SMIM14: variants seen among roughly 807,000 people sequenced by gnomAD.
The protein encoded by SMIM14 is small integral membrane protein 14.
In SMIM14, 5 loss-of-function variants were observed where a neutral mutation model predicts 12.6. The observed-to-expected ratio is 0.40, with a 90% confidence interval of 0.21 to 0.83. The LOEUF is 0.83. SMIM14 is among the 40% of genes least tolerant of loss of function. SMIM14 has a pLI of 0.37. For synonymous variants in SMIM14, 30 were observed against 40.1 expected, an observed-to-expected ratio of 0.75 and a Z score of 0.95; for missense variants, 86 against 119.1, an observed-to-expected ratio of 0.72 and a Z score of 1.29.
rs139817616 is a variant in SMIM14 at position 39,612,561 on chromosome 4, C to T, written c.-35-7381G>A. On this transcript the variant is annotated intron_variant, in intron 1 of 4. Coordinates refer to ENST00000295958, the MANE Select transcript of SMIM14 (RefSeq NM_174921.3). ...TGACGTGTATCCCCCCAGGCCAATA[C>T]TGTGTTGGTTAAAATGAAAAGATAT... 1.0e-3 allele frequency among the ~76,000 whole-genome samples: 154 copies of T among 152,180 alleles called. 1 individual carries two copies. The highest frequency in any genetic ancestry group is 3.5e-3 in the African/African-American group (145 of 41,536).
chr4:39,606,795 G>C (rs1386885514), intron 1 of SMIM14, among the ~76,000 whole-genome samples: 1 of 152,134 alleles, frequency 6.6e-6, no homozygotes, highest in East Asian at 1.9e-4. Context: ...ACCCAGACCA[G>C]AGCCCAGTGG....
At chr4:39,617,779 G>A (rs1399554680) in intron 1 of SMIM14, among the ~76,000 whole-genome samples, 1 of 152,178 alleles carries the variant, frequency 6.6e-6, no homozygotes, top group Non-Finnish European at 1.5e-5. Context: ...AACAGCGGAA[G>A]AGAATCTAAA....
chr4:39,585,744 C>A (rs1490291074), intron 2 of SMIM14, among the ~76,000 whole-genome samples: 1 of 152,000 alleles, frequency 6.6e-6, no homozygotes, highest in Non-Finnish European at 1.5e-5. Flanking sequence ...TATTGTCCTG[C>A]AAGGCTCCAG....
chr4:39,556,668 A>C (rs1244027773), intron 3 of SMIM14, 98 bp from the exon 4 acceptor site: 2 of 1,076,536 alleles, frequency 1.9e-6, no homozygotes, highest in Admixed American at 7.0e-5. Context: ...GTATTAATAT[A>C]AAAATTGTAT....
intron 2 of SMIM14, among the ~76,000 whole-genome samples, chr4:39,582,161 G>A (rs1713543024): frequency 1.3e-5 from 2 of 151,958 alleles, no homozygotes; most frequent in South Asian, 2.1e-4. Flanking sequence ...ATGAGCCACC[G>A]CGCCTGGTCT....
chr4:39,637,699 A>C (rs535434264), intron 1 of SMIM14, among the ~76,000 whole-genome samples: 37 of 152,216 alleles, frequency 2.4e-4, no homozygotes, highest in Admixed American at 1.1e-3. Flanking sequence ...ACACTAAAGG[A>C]ATCTGCGCGG....
At chr4:39,624,177 C>A (rs1378218884) in intron 1 of SMIM14, among the ~76,000 whole-genome samples, 2 of 152,134 alleles carry the variant, frequency 1.3e-5, no homozygotes, top group Non-Finnish European at 2.9e-5. Flanking sequence ...ACAAAATACT[C>A]AAAACTGGTT....
chr4:39,572,621 A>C lies in SMIM14; in HGVS notation c.76-158T>G, dbSNP rs189544427. Among the ~76,000 whole-genome samples, 331 of 152,186 alleles carry C rather than the reference A, an allele frequency of 2.2e-3. 1 individual carries two copies. The highest frequency in any genetic ancestry group is 7.7e-3 in the African/African-American group (319 of 41,530). ...TGGATTGTTTGAGCTCAGACATTCA[A>C]GACCAGCCTGGGTAACACAGCAATA... On this transcript the variant is annotated intron_variant, in intron 2 of 4. Coordinates refer to ENST00000295958, the MANE Select transcript of SMIM14 (RefSeq NM_174921.3).
intron 3 of SMIM14, among the ~76,000 whole-genome samples, chr4:39,563,413 G>A (rs1456989358): frequency 6.6e-6 from 1 of 152,192 alleles, no homozygotes; most frequent in African/African-American, 2.4e-5. Context: ...CATCAGAATA[G>A]CCTGTGACAG....
In SMIM14 at chr4:39,560,456, G is replaced by A. The variant is rs182322820; in HGVS notation, c.125-3886C>T. Among the ~76,000 whole-genome samples, 711 of 152,054 alleles carry A rather than the reference G, an allele frequency of 4.7e-3. 10 individuals are homozygous for A. The highest frequency in any genetic ancestry group is 2.9e-3 in the Non-Finnish European group (194 of 67,986). ...CCGAAAATGCTGGGATTACAGGCAT[G>A]AGCCACCGCAATCAGCCAACATCAA... On this transcript the variant is annotated intron_variant, in intron 3 of 4. Transcript: ENST00000295958.
intron 1 of SMIM14, among the ~76,000 whole-genome samples, chr4:39,623,297 T>C (rs1471167017): frequency 6.6e-6 from 1 of 152,296 alleles, no homozygotes; most frequent in Non-Finnish European, 1.5e-5. Flanking sequence ...TTCTACCTTT[T>C]AGTGCTAAAA....
In SMIM14 at chr4:39,548,419, C is replaced by T. The variant is rs558088980; in HGVS notation, c.*3707G>A. On this transcript the variant is annotated 3_prime_UTR_variant, in exon 5 of 5. Coordinates refer to ENST00000295958, the MANE Select transcript of SMIM14 (RefSeq NM_174921.3). ...ATGTTGCCCAGGCTAGTCTCAAACT[C>T]CTGGGCTCAAGCAGTTCTTGCCTCA... 6.6e-6 allele frequency: 1 copy of T among 150,776 alleles called. No individual in the cohort carries two copies. Among genetic ancestry groups the T allele is most frequent in the Admixed American group, 6.6e-5 (1 of 15,122 alleles). 9.3% of individuals were successfully genotyped at this position (150,776 alleles called of 1,614,324 possible).
intron 1 of SMIM14, among the ~76,000 whole-genome samples, chr4:39,613,219 T>G (rs1008897695): frequency 1.3e-5 from 2 of 152,194 alleles, no homozygotes; most frequent in Non-Finnish European, 2.9e-5. Flanking sequence ...AAATATTTAC[T>G]GAATTCTTGA....
chr4:39,604,512 G>A (rs759840754), intron 2 of SMIM14, among the ~76,000 whole-genome samples: 3 of 151,960 alleles, frequency 2.0e-5, no homozygotes, highest in African/African-American at 4.8e-5. Context: ...ACTCCAGCCT[G>A]TGCAACAGAG....
At chr4:39,557,847 C>T (rs958760235) in intron 3 of SMIM14, among the ~76,000 whole-genome samples, 1 of 152,092 alleles carries the variant, frequency 6.6e-6, no homozygotes, top group African/African-American at 2.4e-5. Flanking sequence ...ATCTGGGCTG[C>T]GTAATATATA....
chr4:39,637,626 G>A (rs1401879501), intron 1 of SMIM14, among the ~76,000 whole-genome samples: 1 of 151,986 alleles, frequency 6.6e-6, no homozygotes, highest in Non-Finnish European at 1.5e-5. Flanking sequence ...AGGACAAAAA[G>A]GTTTGGTTTT....
intron 2 of SMIM14, among the ~76,000 whole-genome samples, chr4:39,580,877 C>A (rs1015498028): frequency 4.6e-5 from 7 of 151,948 alleles, no homozygotes; most frequent in African/African-American, 1.7e-4. Context: ...ATAAACACAA[C>A]CTATTATCAA....
At chr4:39,603,997 T>A in intron 2 of SMIM14, among the ~76,000 whole-genome samples, 1 of 139,638 alleles carries the variant, frequency 7.2e-6, no homozygotes, top group African/African-American at 2.7e-5. Flanking sequence ...GGTGGCAGAG[T>A]GAGACACTGT....
intron 2 of SMIM14, among the ~76,000 whole-genome samples, chr4:39,583,678 TTTAG>T (rs1274985017): frequency 2.0e-5 from 3 of 152,112 alleles, no homozygotes; most frequent in East Asian, 1.9e-4. Flanking sequence ...CTGTTACCAT[TTTAG>T]TTAATGTGTT....
Sources: allele counts gnomAD v4.1 joint callset (sites outside exome capture counted in the v4.1 genomes callset), GRCh38; gene constraint gnomAD v4.1.1; transcripts MANE v1.5; gene names NCBI Gene and HGNC (gene_info 2026-07-23, HGNC 2026-07-21).